The following RBM33 variants were observed in gnomAD, a reference collection of about 807,000 sequenced individuals.
RBM33 encodes RNA binding motif protein 33.
In RBM33, 28 loss-of-function variants were observed where a neutral mutation model predicts 132.6. The ratio of observed to expected loss-of-function variants is 0.21; its 90% CI spans 0.16 to 0.29. The LOEUF (loss-of-function observed/expected upper bound fraction) is 0.29. Among genes scored for constraint, RBM33 ranks in the 10% least tolerant of loss-of-function variants. The pLI is 1.00. For synonymous variants in RBM33, 634 were observed against 593.0 expected, an observed-to-expected ratio of 1.07 and a Z score of -1.01; for missense variants, 1,291 against 1,518.5, an observed-to-expected ratio of 0.85 and a Z score of 2.49.
At chr7:155,727,773 C>T (rs1453032779) in intron 9 of RBM33, among the ~76,000 whole-genome samples, 1 of 152,226 alleles carries the variant, frequency 6.6e-6, no homozygotes. Context: ...CGCCCATCCC[C>T]GCTTTTTTTC....
chr7:155,660,740 G>GACAA (rs1798616938), intron 1 of RBM33, among the ~76,000 whole-genome samples: 1 of 152,128 alleles, frequency 6.6e-6, no homozygotes, highest in Non-Finnish European at 1.5e-5. Flanking sequence ...ATTATCATTT[G>GACAA]AGTTTGTTGA....
intron 13 of RBM33, 103 bp from the exon 14 acceptor site, chr7:155,744,858 G>A: frequency 8.7e-7 from 1 of 1,148,232 alleles, no homozygotes; most frequent in Non-Finnish European, 1.2e-6. Flanking sequence ...TTCAGATACT[G>A]AATTAAAGGA....
At chr7:155,742,229 C>CAT in intron 13 of RBM33, 123 bp downstream of exon 13, 3 of 692,832 alleles carry the variant, frequency 4.3e-6, no homozygotes, top group Non-Finnish European at 4.5e-6. Context: ...TCACCTGGGT[C>CAT]TTTTTTTTTT....
intron 9 of RBM33, among the ~76,000 whole-genome samples, chr7:155,734,531 A>G (rs1801051632): frequency 6.6e-6 from 1 of 152,092 alleles, no homozygotes; most frequent in South Asian, 2.1e-4. Context: ...AGTGATTTTT[A>G]CTTTTCACAA....
chr7:155,678,569 G>A (rs1563140284), intron 3 of RBM33, 39 bp from the exon 4 acceptor site: 5 of 1,236,144 alleles, frequency 4.0e-6, no homozygotes, highest in Non-Finnish European at 4.6e-6. Flanking sequence ...TCTTTTTATG[G>A]AAGTGACACA....
intron 3 of RBM33, among the ~76,000 whole-genome samples, chr7:155,676,096 C>G (rs1406876696): frequency 6.6e-6 from 1 of 152,064 alleles, no homozygotes; most frequent in Non-Finnish European, 1.5e-5. Flanking sequence ...CACTGGGGTC[C>G]CCACGAAATG....
intron 5 of RBM33, among the ~76,000 whole-genome samples, chr7:155,686,724 G>A (rs930823902): frequency 6.6e-6 from 1 of 152,010 alleles, no homozygotes; most frequent in African/African-American, 2.4e-5. Flanking sequence ...GTGAGAACAT[G>A]CAGTGTTTGG....
intron 1 of RBM33, among the ~76,000 whole-genome samples, chr7:155,661,083 CTGTGTG>C (rs142134390): frequency 7.6e-6 from 1 of 132,306 alleles, no homozygotes; most frequent in Non-Finnish European, 1.6e-5. Context: ...AAAATAATTT[CTGTGTG>C]TGTGTGTGGT....
chr7:155,740,742 C>CA lies in RBM33; in HGVS notation c.2049+717dup, dbSNP rs556531246. 1.4e-3 allele frequency among the ~76,000 whole-genome samples: 215 copies of CA among 152,274 alleles called. 4 individuals are homozygous for CA. Among genetic ancestry groups the CA allele is most frequent in the African/African-American group, 4.9e-3 (205 of 41,542 alleles). On this transcript the variant is annotated intron_variant, in intron 12 of 17. Coordinates refer to ENST00000401878, the MANE Select transcript of RBM33 (RefSeq NM_053043.3). ...TAATTTTGTTTTTAGGAAAGGGAGA[C>CA]ACAGTGTGGCTAGTGGTCAGGGTTT...
At chr7:155,726,651 A>T (rs146575466) in intron 9 of RBM33, among the ~76,000 whole-genome samples, 1 of 152,356 alleles carries the variant, frequency 6.6e-6, no homozygotes, top group African/African-American at 2.4e-5. Flanking sequence ...TTTAAAATCT[A>T]TATTTGCTAG....
chr7:155,680,389 C>T (rs1442672482), intron 4 of RBM33, among the ~76,000 whole-genome samples: 1 of 152,234 alleles, frequency 6.6e-6, no homozygotes, highest in Non-Finnish European at 1.5e-5. Context: ...ACAGTTAGCT[C>T]TGCTGTACGC....
chr7:155,737,780 GT>G, intron 10 of RBM33, 118 bp downstream of exon 10: 1 of 1,200,272 alleles, frequency 8.3e-7, no homozygotes, highest in Non-Finnish European at 1.1e-6. Flanking sequence ...GGAATGCCAG[GT>G]TTTTGTACCA....
intron 2 of RBM33, among the ~76,000 whole-genome samples, chr7:155,671,933 G>A (rs1297154243): frequency 6.6e-6 from 1 of 152,010 alleles, no homozygotes; most frequent in Admixed American, 6.6e-5. Flanking sequence ...TATTTGCTAA[G>A]GGTTTCTGTT....
Position 155,738,119 on chromosome 7 carries a change from C to T in RBM33, c.1453C>T (p.Pro485Ser). 6.2e-7 allele frequency: 1 copy of T among 1,613,970 alleles called. No individual in the cohort carries two copies. The highest frequency in any genetic ancestry group is 1.1e-5 in the South Asian group (1 of 91,086). ...TCTGGAACAGCGAAGTCCCCCTCCA[C>T]CACCACCGCCTCCTACCCTTCTTAA... ...LFLEQRSPPP[P>S]PPPPTLLNSS... Residue 485 changes from proline (P) to serine (S), a missense_variant, in exon 11 of 18, where the codon CCA becomes TCA. Coordinates refer to ENST00000401878, the MANE Select transcript of RBM33 (RefSeq NM_053043.3).
rs1459036075 is a variant in RBM33, at chr7:155,777,618, T to G, written c.*2577T>G. On this transcript the variant is annotated 3_prime_UTR_variant, in exon 18 of 18. Transcript: ENST00000401878. ...ATTATCTTTGTTCTTGAGTTCATCA[T>G]GCATTTAAAATGAGATGCAAGAGCA... The G allele has an allele frequency of 6.5e-6, 1 of 152,674 alleles. No homozygotes were observed. The highest frequency in any genetic ancestry group is 1.5e-5 in the Non-Finnish European group (1 of 68,040). 9.5% of individuals were successfully genotyped at this position (152,674 alleles called of 1,614,324 possible). A position where few individuals can be genotyped will look rare whatever the true frequency, so the allele number is the denominator to read the frequency against.
At chr7:155,768,795 A>G (rs1222040565) in intron 16 of RBM33, among the ~76,000 whole-genome samples, 1 of 152,076 alleles carries the variant, frequency 6.6e-6, no homozygotes, top group Non-Finnish European at 1.5e-5. Flanking sequence ...TTGTATTTTT[A>G]GTAGAGACGA....
intron 9 of RBM33, among the ~76,000 whole-genome samples, chr7:155,733,013 G>A (rs11764273): frequency 0.027 from 4,159 of 152,282 alleles, 72 homozygotes; most frequent in Middle Eastern, 0.037. Context: ...TGTGTCAGGC[G>A]TCTCCTGATA....
intron 3 of RBM33, among the ~76,000 whole-genome samples, chr7:155,675,390 GTTATTTTAAA>G (rs1411745371): frequency 7.9e-5 from 12 of 151,636 alleles, no homozygotes; most frequent in African/African-American, 2.9e-4. Flanking sequence ...TGTCATTAGG[GTTATTTTAAA>G]ATATTTTATA....
rs190088396 is a variant in RBM33 at position 155,757,093 on chromosome 7, C to T, written c.2980-6719C>T. ...GGGAAAGGTGAAATGAAAATTTTCT[C>T]AAAAACAAAACCACTAATAAAGTAA... On this transcript the variant is annotated intron_variant, in intron 14 of 17. Coordinates refer to ENST00000401878, the MANE Select transcript of RBM33 (RefSeq NM_053043.3). Among the ~76,000 whole-genome samples, 379 of 152,150 alleles carry T rather than the reference C, an allele frequency of 2.5e-3. 2 individuals are homozygous for T. Among genetic ancestry groups the T allele is most frequent in the African/African-American group, 7.9e-3 (328 of 41,498 alleles).
Sources: allele counts gnomAD v4.1 joint callset (sites outside exome capture counted in the v4.1 genomes callset), GRCh38; gene constraint gnomAD v4.1.1; transcripts MANE v1.5; gene names NCBI Gene and HGNC (gene_info 2026-07-23, HGNC 2026-07-21).